CCDC15: variants seen among roughly 807,000 people sequenced by gnomAD.
CCDC15 encodes coiled-coil domain containing 15.
Under a neutral mutation model 114.5 loss-of-function variants are expected in CCDC15, and 105 were observed. That is an observed-to-expected ratio of 0.92 (90% CI 0.78 to 1.08). CCDC15 has a LOEUF of 1.08. Among genes scored for constraint, CCDC15 ranks in the 50% least tolerant of loss-of-function variants. The pLI, the probability that CCDC15 is intolerant of heterozygous loss-of-function variation, is 0.00. For missense variants in CCDC15, 1,105 were observed against 1,093.6 expected (o/e 1.01, Z -0.15); for synonymous variants, 334 against 377.8 (o/e 0.88, Z 1.34).
rs754570635 is a variant in CCDC15, at chr11:125,040,743, G to A, written c.*32G>A. ...TCTGAAATTAACTGGTAGTATTTTG[G>A]CTTTTACTTAAAATCATCCCTGAGA... On this transcript the variant is annotated 3_prime_UTR_variant, in exon 16 of 16. Coordinates refer to ENST00000344762, the MANE Select transcript of CCDC15 (RefSeq NM_025004.3). The A allele has an allele frequency of 1.3e-6, 2 of 1,595,186 alleles. No individual in the cohort carries two copies. The highest frequency in any genetic ancestry group is 2.3e-5 in the South Asian group (2 of 88,752).
chr11:124,961,325 C>T (rs1470564298), intron 4 of CCDC15, among the ~76,000 whole-genome samples: 1 of 152,126 alleles, frequency 6.6e-6, no homozygotes, highest in Non-Finnish European at 1.5e-5. Flanking sequence ...ATAGGACCTT[C>T]CATGGGTTTA....
intron 4 of CCDC15, among the ~76,000 whole-genome samples, chr11:124,961,638 C>G (rs1190794526): frequency 6.6e-6 from 1 of 152,174 alleles, no homozygotes; most frequent in Non-Finnish European, 1.5e-5. Flanking sequence ...TCCTGATTCT[C>G]CTGCCTCAGC....
chr11:125,004,202 T>G (rs1948523889), intron 12 of CCDC15, among the ~76,000 whole-genome samples: 1 of 152,048 alleles, frequency 6.6e-6, no homozygotes, highest in African/African-American at 2.4e-5. Context: ...CCAGCTAATG[T>G]ATATTTGCCA....
intron 13 of CCDC15, among the ~76,000 whole-genome samples, chr11:125,025,310 A>G (rs1052966469): frequency 1.3e-5 from 2 of 150,934 alleles, no homozygotes. Flanking sequence ...GATTTGCTAA[A>G]CTTTTGTGTA....
chr11:125,039,238 A>G (rs118150264), intron 15 of CCDC15, 169 bp downstream of exon 15: 104 of 503,708 alleles, frequency 2.1e-4, no homozygotes, highest in Admixed American at 5.8e-4. Context: ...AATGAGTTAT[A>G]TTTCTCTTTG....
chr11:125,016,897 C>G (rs1372232708), intron 13 of CCDC15, among the ~76,000 whole-genome samples: 1 of 152,086 alleles, frequency 6.6e-6, no homozygotes. Flanking sequence ...ATAATCTTTT[C>G]CTTCTTGTGT....
At chr11:125,010,169 A>G (rs914671256) in intron 13 of CCDC15, among the ~76,000 whole-genome samples, 1 of 152,102 alleles carries the variant, frequency 6.6e-6, no homozygotes, top group African/African-American at 2.4e-5. Flanking sequence ...GCAGCCTTGC[A>G]ATTATTTGTT....
intron 8 of CCDC15, 45 bp from the exon 9 acceptor site, chr11:124,991,416 A>G (rs998210230): frequency 3.8e-6 from 5 of 1,326,196 alleles, no homozygotes; most frequent in Non-Finnish European, 5.1e-6. Flanking sequence ...CCATCATATT[A>G]GTCTTGCTAG....
At chr11:124,964,966 C>T (rs1342459213) in intron 4 of CCDC15, among the ~76,000 whole-genome samples, 1 of 152,032 alleles carries the variant, frequency 6.6e-6, no homozygotes, top group Non-Finnish European at 1.5e-5. Flanking sequence ...TTTGTTGAAC[C>T]AGCCTTGCAT....
chr11:124,962,648 C>CT lies in CCDC15; in HGVS notation c.516+2658dup, dbSNP rs11286590. ...CTTTCTCTGTCCAAGGAATTCAGTT[C>CT]TTTTTTTTTTTTTATTATACTTTAA... On this transcript the variant is annotated intron_variant, in intron 4 of 15. Coordinates refer to ENST00000344762, the MANE Select transcript of CCDC15 (RefSeq NM_025004.3). 3.5e-3 allele frequency among the ~76,000 whole-genome samples: 523 copies of CT among 147,822 alleles called. 2 individuals carry two copies. The highest frequency in any genetic ancestry group is 4.8e-3 in the African/African-American group (194 of 40,364).
At chr11:125,040,277 TC>T (rs5795443) in intron 15 of CCDC15, among the ~76,000 whole-genome samples, 28,528 of 152,036 alleles carry the variant, frequency 0.19, 3,053 homozygotes, top group African/African-American at 0.28. Flanking sequence ...CCTCAAGTGA[TC>T]CGCCTGCCTC....
chr11:125,030,820 G>A (rs1337349433), intron 13 of CCDC15, among the ~76,000 whole-genome samples: 2 of 152,192 alleles, frequency 1.3e-5, no homozygotes, highest in Non-Finnish European at 2.9e-5. Flanking sequence ...GTGATGATAG[G>A]TGGCTGGGGA....
intron 13 of CCDC15, among the ~76,000 whole-genome samples, chr11:125,016,576 G>T (rs1286363743): frequency 6.6e-6 from 1 of 152,130 alleles, no homozygotes; most frequent in Non-Finnish European, 1.5e-5. Flanking sequence ...GGCCAGATTT[G>T]TCTTATGATA....
intron 4 of CCDC15, among the ~76,000 whole-genome samples, chr11:124,967,748 G>T (rs1265690408): frequency 6.6e-6 from 1 of 152,148 alleles, no homozygotes; most frequent in Non-Finnish European, 1.5e-5. Context: ...TTCTGCTCTG[G>T]TTTCTCCCCA....
At position 124,954,760 on chromosome 11, in the gene CCDC15, C is replaced by A; in HGVS notation, c.28C>A (p.Pro10Thr). ...GCTGGGAAGTATGGCCCGAAAGAAACCTCGAAATACCTCAAGGTTGCCCCT... is the reference window on the plus strand; with the variant it reads ...GCTGGGAAGTATGGCCCGAAAGAAAACTCGAAATACCTCAAGGTTGCCCCT... Reference protein sequence around the residue: MLGSMARKKPRNTSRLPLAL... With the variant: MLGSMARKKTRNTSRLPLAL... The change falls in exon 2 of 16, where the codon CCT (proline) becomes ACT (threonine). Residue 10 changes from proline (P) to threonine (T), a missense_variant. Pro to Thr is a conservative substitution (Grantham distance 38, BLOSUM62 -1). Coordinates refer to ENST00000344762, the MANE Select transcript of CCDC15 (RefSeq NM_025004.3). The A allele has an allele frequency of 6.2e-7, 1 of 1,613,884 alleles. No individual in the cohort carries two copies. The highest frequency in any genetic ancestry group is 1.1e-5 in the South Asian group (1 of 91,074).
chr11:124,981,920 C>G (rs1397601132), intron 6 of CCDC15, among the ~76,000 whole-genome samples: 1 of 152,184 alleles, frequency 6.6e-6, no homozygotes, highest in Non-Finnish European at 1.5e-5. Context: ...CGCAGCTGGC[C>G]TGAGTCTCTT....
In CCDC15 at chr11:125,005,258, A is replaced by C. The variant is rs181080330; in HGVS notation, c.2411+46A>C. On this transcript the variant is annotated intron_variant, in intron 13 of 15. Transcript: ENST00000344762. ...TGTGAGCCTTAAATTGCCAATTAAG[A>C]TGTTTTTGGAAGATGAACTTTAGAA... The C allele has an allele frequency of 2.2e-5, 19 of 851,198 alleles. No individual in the cohort carries two copies. The Admixed American group carries it at 5.0e-4, about 22-fold the overall frequency. The allele number at this position is 851,198 out of a possible 1,614,324, so 52.7% of individuals were successfully genotyped here.
At chr11:125,001,567 C>T (rs1003899138) in intron 11 of CCDC15, among the ~76,000 whole-genome samples, 1 of 152,194 alleles carries the variant, frequency 6.6e-6, no homozygotes, top group Non-Finnish European at 1.5e-5. Context: ...CCTTTAGCCC[C>T]ACCTCCAGTC....
chr11:124,962,984 CT>C (rs1182153163), intron 4 of CCDC15, among the ~76,000 whole-genome samples: 2 of 152,142 alleles, frequency 1.3e-5, no homozygotes, highest in Non-Finnish European at 2.9e-5. Context: ...TGAACTCATC[CT>C]TTTTTATGGC....
Sources: gnomAD v4.1 joint callset for allele counts (sites outside exome capture counted in the v4.1 genomes callset) on GRCh38, gnomAD v4.1.1 for gene constraint, MANE v1.5 for transcripts, NCBI Gene and HGNC (gene_info 2026-07-23, HGNC 2026-07-21) for gene names.